ACVR2A: variants seen among roughly 807,000 people sequenced by gnomAD.
ACVR2A encodes activin A receptor type 2A.
In ACVR2A, 7 loss-of-function variants were observed where a neutral mutation model predicts 61.4. The ratio of observed to expected loss-of-function variants is 0.11; its 90% confidence interval spans 0.06 to 0.21. The LOEUF (loss-of-function observed/expected upper bound fraction) is 0.21. ACVR2A is among the 10% of genes least tolerant of loss of function. The probability of loss-of-function intolerance (pLI) is 1.00; values close to 1 mark genes in which losing one functional copy is unlikely to be tolerated. For synonymous variants in ACVR2A, 193 were observed against 208.3 expected (o/e 0.93, Z 0.63); for missense variants, 322 against 621.7 (o/e 0.52, Z 5.13).
intron 4 of ACVR2A, among the ~76,000 whole-genome samples, chr2:147,910,759 C>A (rs1203112042): frequency 6.6e-6 from 1 of 152,100 alleles, no homozygotes; most frequent in Non-Finnish European, 1.5e-5. Flanking sequence ...CTATCAGTGT[C>A]TGAGTGTCTT....
intron 1 of ACVR2A, among the ~76,000 whole-genome samples, chr2:147,867,302 CAG>C (rs1685881554): frequency 6.6e-6 from 1 of 152,094 alleles, no homozygotes; most frequent in Non-Finnish European, 1.5e-5. Flanking sequence ...GGAAGAAAGC[CAG>C]AGTCGAGATG....
chr2:147,927,349 T>C lies in ACVR2A; in HGVS notation c.*75T>C. On this transcript the variant is annotated 3_prime_UTR_variant, in exon 11 of 11. Coordinates refer to ENST00000241416, the MANE Select transcript of ACVR2A (RefSeq NM_001616.5). ...GCTAAGCTAAAGAAACTGCTTACAG[T>C]TTATTTTCTGTGTAAAATGAGTAGG... 7.3e-7 allele frequency: 1 copy of C among 1,365,424 alleles called. No individual in the cohort carries two copies. Among genetic ancestry groups the C allele is most frequent in the East Asian group, 2.4e-5 (1 of 41,222 alleles). 84.6% of individuals were successfully genotyped at this position (1,365,424 alleles called of 1,614,324 possible).
At chr2:147,924,327 T>C (rs1458076067) in intron 9 of ACVR2A, among the ~76,000 whole-genome samples, 1 of 152,032 alleles carries the variant, frequency 6.6e-6, no homozygotes, top group Non-Finnish European at 1.5e-5. Flanking sequence ...TCAAGTAATA[T>C]ACAGTTTAGT....
chr2:147,925,241 T>C (rs1687474813), intron 9 of ACVR2A, among the ~76,000 whole-genome samples: 1 of 152,000 alleles, frequency 6.6e-6, no homozygotes, highest in African/African-American at 2.4e-5. Context: ...ATGTAACTTT[T>C]CTGAGCTTCT....
chr2:147,894,547 T>C (rs1316902762), intron 1 of ACVR2A, among the ~76,000 whole-genome samples: 1 of 152,146 alleles, frequency 6.6e-6, no homozygotes, highest in African/African-American at 2.4e-5. Context: ...CTCTGAATTA[T>C]GTAGACTTTC....
chr2:147,899,435 A>AT (rs1686820214), intron 2 of ACVR2A, 23 bp from the exon 3 acceptor site: 3 of 1,534,724 alleles, frequency 2.0e-6, no homozygotes, highest in Non-Finnish European at 2.7e-6. Context: ...GATTTTAATT[A>AT]TTTTTTCTCT....
intron 2 of ACVR2A, 78 bp downstream of exon 2, chr2:147,896,586 G>T (rs1686738390): frequency 7.3e-7 from 1 of 1,373,894 alleles, no homozygotes; most frequent in African/African-American, 1.5e-5. Flanking sequence ...GGAAAGATCA[G>T]TGCATAAATT....
chr2:147,869,253 T>C (rs1201568308), intron 1 of ACVR2A, among the ~76,000 whole-genome samples: 1 of 152,192 alleles, frequency 6.6e-6, no homozygotes, highest in Non-Finnish European at 1.5e-5. Flanking sequence ...TTGTTGAAAT[T>C]GGTAAACCTG....
At chr2:147,903,359 A>T (rs1179487983) in intron 4 of ACVR2A, among the ~76,000 whole-genome samples, 1 of 151,000 alleles carries the variant, frequency 6.6e-6, no homozygotes, top group Non-Finnish European at 1.5e-5. Flanking sequence ...TGGCTCTGTC[A>T]TTTACCAAGT....
Position 147,917,549 on chromosome 2 carries a change from A to G in ACVR2A, c.816+123A>G, listed in dbSNP as rs1258824046. 8 of 1,072,818 alleles carry G rather than the reference A, an allele frequency of 7.5e-6. No homozygotes were observed. In the East Asian group the frequency reaches 2.3e-4, roughly 31 times the overall value. 66.5% of individuals were successfully genotyped at this position (1,072,818 alleles called of 1,614,324 possible). A position where few individuals can be genotyped will look rare whatever the true frequency, so the allele number is the denominator to read the frequency against. On this transcript the variant is annotated intron_variant, in intron 6 of 10. Transcript: ENST00000241416. ...ATAGTTGATTAATATTTAACCTGAA[A>G]ATAAAAATCATTCTTGAATAAAAAT... is the stretch of plus-strand genomic sequence containing the variant.
intron 7 of ACVR2A, among the ~76,000 whole-genome samples, chr2:147,919,192 G>C (rs1687321993): frequency 6.6e-6 from 1 of 152,146 alleles, no homozygotes; most frequent in Non-Finnish European, 1.5e-5. Context: ...TGTTTGAAAA[G>C]TAGGCATTAA....
intron 1 of ACVR2A, among the ~76,000 whole-genome samples, chr2:147,858,770 A>T (rs1685651492): frequency 6.6e-6 from 1 of 152,248 alleles, no homozygotes; most frequent in South Asian, 2.1e-4. Context: ...GCCAGCTGTA[A>T]CACAAAAGCA....
chr2:147,888,981 CTATTCCTAGTGTACTGA>C (rs1392278283), intron 1 of ACVR2A, among the ~76,000 whole-genome samples: 13 of 151,774 alleles, frequency 8.6e-5, no homozygotes, highest in African/African-American at 2.7e-4. Context: ...AAGTTCCCTT[CTATTCCTAGTGTACTGA>C]TAGTTTTTTT....
intron 1 of ACVR2A, among the ~76,000 whole-genome samples, chr2:147,890,731 T>C (rs951829668): frequency 3.9e-5 from 6 of 152,138 alleles, no homozygotes; most frequent in African/African-American, 1.4e-4. Flanking sequence ...TAAATAACCA[T>C]GCCATCCTTT....
chr2:147,897,602 A>G (rs534820712), intron 2 of ACVR2A, among the ~76,000 whole-genome samples: 1 of 152,298 alleles, frequency 6.6e-6, no homozygotes, highest in Non-Finnish European at 1.5e-5. Context: ...AGTGAACACT[A>G]GATACTTCTG....
At chr2:147,908,038 C>CAAAAAAAAAAAAAAAAAAAA (rs1200221673) in intron 4 of ACVR2A, among the ~76,000 whole-genome samples, 3 of 67,000 alleles carry the variant, frequency 4.5e-5, no homozygotes, top group South Asian at 5.7e-4. Flanking sequence ...GACTCTGTTT[C>CAAAAAAAAAAAAAAAAAAAA]AAAAAAAAAA....
chr2:147,921,221 G>C (rs1189207521), intron 8 of ACVR2A, among the ~76,000 whole-genome samples: 1 of 151,950 alleles, frequency 6.6e-6, no homozygotes, highest in Non-Finnish European at 1.5e-5. Context: ...TTTTAATGGA[G>C]ATGGGGTTTC....
rs139486112 is a variant in ACVR2A at position 147,917,393 on chromosome 2, G to C, written c.783G>C (p.Val261=). 172 of 1,612,056 alleles carry C rather than the reference G, an allele frequency of 1.1e-4. No homozygotes were observed. The African/African-American group carries it at 1.8e-3, about 17-fold the overall frequency. The change falls in exon 6 of 11, where the codon GTG becomes GTC. Residue 261 remains valine (V), a synonymous_variant. Transcript: ENST00000241416. ...GAEKRGTSVD[V]DLWLITAFHE... ...AAAAACGAGGCACCAGTGTTGATGT[G>C]GATCTTTGGCTGATCACAGCATTTC... is the stretch of plus-strand genomic sequence containing the variant.
rs1033492956 is a variant in ACVR2A, at chr2:147,928,991, C to T, written c.*1717C>T. ...TGTTGTCTTCAAATGGTTATTTAAC[C>T]ACACAGTACACTACATTTTACATAT... On this transcript the variant is annotated 3_prime_UTR_variant, in exon 11 of 11. Coordinates refer to ENST00000241416, the MANE Select transcript of ACVR2A (RefSeq NM_001616.5). The T allele has an allele frequency of 1.3e-5, 2 of 152,338 alleles. No individual in the cohort carries two copies. Among genetic ancestry groups the T allele is most frequent in the Non-Finnish European group, 2.9e-5 (2 of 67,928 alleles). The allele number at this position is 152,338 out of a possible 1,614,324, so 9.4% of individuals were successfully genotyped here.
Sources: allele counts gnomAD v4.1 joint callset (sites outside exome capture counted in the v4.1 genomes callset), GRCh38; gene constraint gnomAD v4.1.1; transcripts MANE v1.5; gene names NCBI Gene and HGNC (gene_info 2026-07-23, HGNC 2026-07-21).